CAAP1: variants seen among roughly 807,000 people sequenced by gnomAD.
The protein encoded by CAAP1 is conserved anti-apoptotic protein.
A neutral mutation model predicts 34.0 loss-of-function variants in CAAP1; 20 were observed. That is an observed-to-expected ratio of 0.59 (90% CI 0.41 to 0.86). CAAP1 has a LOEUF of 0.86. Ranked by LOEUF, CAAP1 falls within the 40% of genes least tolerant of loss-of-function variation. The pLI is 0.00. For synonymous variants in CAAP1, 213 were observed against 166.7 expected (o/e 1.28, Z -2.14); for missense variants, 538 against 450.5 (o/e 1.19, Z -1.76).
At chr9:26,847,017 A>G (rs1401926966) in intron 5 of CAAP1, among the ~76,000 whole-genome samples, 2 of 151,570 alleles carry the variant, frequency 1.3e-5, no homozygotes, top group Non-Finnish European at 2.9e-5. Context: ...TCCCCTTCCC[A>G]GAAGTAATCA....
chr9:26,884,770 A>G (rs889440280), intron 4 of CAAP1, 40 bp downstream of exon 4: 1 of 1,387,090 alleles, frequency 7.2e-7, no homozygotes, highest in Admixed American at 1.8e-5. Flanking sequence ...AAGGAATAAC[A>G]AAGAAATTTT....
intron 4 of CAAP1, among the ~76,000 whole-genome samples, chr9:26,867,260 CCTTT>C (rs922359473): frequency 6.6e-6 from 1 of 152,080 alleles, no homozygotes; most frequent in Non-Finnish European, 1.5e-5. Context: ...GCCTTAAGGC[CCTTT>C]CTTCTATCTC....
At position 26,892,603 on chromosome 9, in the gene CAAP1, C is replaced by T; in HGVS notation, c.113G>A (p.Gly38Glu). ...GGCGCTCCCGCAGCCGCTAGTGCTT[C>T]CACTGCTGCCGCTGGCCAACGCGGG... ...IVPALASGSS[G>E]STSGCGSAGG... Residue 38 changes from glycine to glutamate, a missense_variant, in exon 1 of 6, where the codon GGA (glycine) becomes GAA (glutamate). Coordinates refer to ENST00000333916, the MANE Select transcript of CAAP1 (RefSeq NM_024828.4). The T allele has an allele frequency of 6.2e-7, 1 of 1,608,454 alleles. No homozygotes were observed. The highest frequency in any genetic ancestry group is 8.5e-7 in the Non-Finnish European group (1 of 1,179,018).
rs566432032 is a variant in CAAP1, at chr9:26,889,457, C to T, written c.304-1944G>A. Among the ~76,000 whole-genome samples, 8 of 152,090 alleles carry T rather than the reference C, an allele frequency of 5.3e-5. No individual in the cohort carries two copies. In the East Asian group the frequency reaches 1.4e-3, roughly 26 times the overall value. ...CAAAAACAAAAACTGACTGTAGTGA[C>T]GGTTGTACAACTCTGAATATATACA... On this transcript the variant is annotated intron_variant, in intron 1 of 5. Coordinates refer to ENST00000333916, the MANE Select transcript of CAAP1 (RefSeq NM_024828.4).
chr9:26,876,477 T>G (rs866898681), intron 4 of CAAP1, among the ~76,000 whole-genome samples: 1,812 of 151,562 alleles, frequency 0.012, 40 homozygotes, highest in African/African-American at 0.042. Flanking sequence ...AGAAGGTTTT[T>G]TTTTTTTTTT....
At chr9:26,846,472 C>A (rs1822610513) in intron 5 of CAAP1, among the ~76,000 whole-genome samples, 2 of 145,624 alleles carry the variant, frequency 1.4e-5, no homozygotes, top group Non-Finnish European at 3.0e-5. Flanking sequence ...GAAAGACTTA[C>A]ACTTATCTAT....
intron 5 of CAAP1, among the ~76,000 whole-genome samples, chr9:26,856,981 T>G (rs1822884541): frequency 6.6e-6 from 1 of 152,184 alleles, no homozygotes. Context: ...AAGCAACAAT[T>G]TAAATACAGA....
In CAAP1 at chr9:26,892,383, C is replaced by G. The variant is rs867355685; in HGVS notation, c.303+30G>C. On this transcript the variant is annotated intron_variant, in intron 1 of 5. Transcript: ENST00000333916. ...ACTTCTTCCGAAAAAGCAGCAGCTC[C>G]AGGAAGCGGCCAGAGGGGCGCGCAC... The G allele has an allele frequency of 5.0e-6, 8 of 1,601,610 alleles. No individual in the cohort carries two copies. The Middle Eastern group carries it at 8.3e-4, about 165-fold the overall frequency.
chr9:26,845,936 T>C (rs1025479049), intron 5 of CAAP1, among the ~76,000 whole-genome samples: 2 of 152,180 alleles, frequency 1.3e-5, no homozygotes, highest in East Asian at 1.9e-4. Context: ...CTCTAACAGA[T>C]CTTTTTCTTT....
At position 26,861,117 on chromosome 9, in the gene CAAP1, C is replaced by T. The variant is rs141753758; in HGVS notation, c.688G>A (p.Ala230Thr). ...TGCTTATTCTCTCTCACGGATGAAG[C>T]AGAATCTATACAGATGTCTTGCCTG... ...VSQQDICIDS[A>T]SSVRENKQPE... Residue 230 changes from alanine to threonine, a missense_variant, in exon 5 of 6, where the codon GCT (alanine) becomes ACT (threonine). Ala to Thr is a moderately conservative substitution (Grantham distance 58, BLOSUM62 0). Coordinates refer to ENST00000333916, the MANE Select transcript of CAAP1 (RefSeq NM_024828.4). 8.1e-5 allele frequency: 130 copies of T among 1,610,932 alleles called. 2 individuals carry two copies. In the African/African-American group the frequency reaches 1.5e-3, roughly 18 times the overall value.
intron 4 of CAAP1, among the ~76,000 whole-genome samples, chr9:26,866,236 G>A (rs1823135567): frequency 6.6e-6 from 1 of 152,136 alleles, no homozygotes; most frequent in South Asian, 2.1e-4. Flanking sequence ...AAATGGTATA[G>A]TAAATAGGCA....
chr9:26,888,979 T>C lies in CAAP1; in HGVS notation c.304-1466A>G, dbSNP rs570987314. 3.9e-5 allele frequency among the ~76,000 whole-genome samples: 6 copies of C among 152,358 alleles called. No homozygotes were observed. The East Asian group carries it at 5.8e-4, about 15-fold the overall frequency. Reference sequence around the variant, plus strand: ...CATAAAAAGGCATGAATCTCTGTGATACAAAGGAATGAACCCTATGTGCTA... The same window carrying C: ...CATAAAAAGGCATGAATCTCTGTGACACAAAGGAATGAACCCTATGTGCTA... On this transcript the variant is annotated intron_variant, in intron 1 of 5. Transcript: ENST00000333916.
Position 26,892,415 on chromosome 9 carries a change from G to A in CAAP1, c.301C>T (p.Gln101Ter). The A allele has an allele frequency of 6.2e-7, 1 of 1,604,750 alleles. No individual in the cohort carries two copies. The highest frequency in any genetic ancestry group is 8.5e-7 in the Non-Finnish European group (1 of 1,178,178). ...DSSSVSGSLQ[Q>*]ETKYILPTLE... The stretch of plus-strand genomic sequence containing the variant: ...CGGCCAGAGGGGCGCGCACGCACCT[G>A]CTGCAAGGAGCCCGAGACGCTGGAA... Residue 101 changes from glutamine (Q) to a stop codon, truncating the protein, a stop_gained and splice_region_variant, in exon 1 of 6, where the codon CAG (glutamine) becomes TAG (stop). Transcript: ENST00000333916. LOFTEE classifies it high-confidence loss of function.
At chr9:26,888,393 G>A (rs1330803107) in intron 1 of CAAP1, among the ~76,000 whole-genome samples, 2 of 152,090 alleles carry the variant, frequency 1.3e-5, no homozygotes, top group Non-Finnish European at 2.9e-5. Context: ...ATTTTCCTAT[G>A]ACAGTCTTTC....
At chr9:26,882,199 C>T (rs1823607718) in intron 4 of CAAP1, among the ~76,000 whole-genome samples, 1 of 152,196 alleles carries the variant, frequency 6.6e-6, no homozygotes, top group African/African-American at 2.4e-5. Context: ...AAAAATCAAG[C>T]AGGCTGCAAA....
chr9:26,866,380 T>C (rs1294328561), intron 4 of CAAP1, among the ~76,000 whole-genome samples: 3 of 152,198 alleles, frequency 2.0e-5, no homozygotes, highest in Non-Finnish European at 2.9e-5. Context: ...TACATATATA[T>C]GTAAATGTAT....
intron 1 of CAAP1, among the ~76,000 whole-genome samples, chr9:26,892,061 A>G (rs1243418733): frequency 1.3e-5 from 2 of 152,296 alleles, no homozygotes; most frequent in South Asian, 2.1e-4. Context: ...TATCTACGAA[A>G]AGGTGAAGAC....
intron 4 of CAAP1, among the ~76,000 whole-genome samples, chr9:26,865,395 C>T (rs1006978095): frequency 1.3e-5 from 2 of 151,988 alleles, no homozygotes; most frequent in East Asian, 1.9e-4. Flanking sequence ...TGGTGGCACA[C>T]GCCTGTAATC....
At chr9:26,876,713 G>A (rs548279110) in intron 4 of CAAP1, among the ~76,000 whole-genome samples, 26 of 152,222 alleles carry the variant, frequency 1.7e-4, no homozygotes, top group African/African-American at 6.0e-4. Flanking sequence ...TAGGTATGTA[G>A]CAGGCTATAG....
Sources: gnomAD v4.1 joint callset for allele counts (sites outside exome capture counted in the v4.1 genomes callset) on GRCh38, gnomAD v4.1.1 for gene constraint, MANE v1.5 for transcripts, NCBI Gene and HGNC (gene_info 2026-07-23, HGNC 2026-07-21) for gene names.